Variants in ASXL2 observed in about 807,000 individuals in gnomAD.
ASXL2 encodes the protein putative Polycomb group protein ASXL2.
A neutral mutation model predicts 122.0 loss-of-function variants in ASXL2; 23 were observed. The observed-to-expected ratio is 0.19, with a 90% CI of 0.14 to 0.27. ASXL2 has a LOEUF of 0.27. Among genes scored for constraint, ASXL2 ranks in the 10% least tolerant of loss-of-function variants. The pLI, the probability that ASXL2 is intolerant of heterozygous loss-of-function variation, is 1.00. For missense variants in ASXL2, 1,518 were observed against 1,713.8 expected (o/e 0.89, Z 2.02); for synonymous variants, 650 against 637.0 (o/e 1.02, Z -0.31).
At chr2:25,829,347 G>A (rs2089421807) in intron 3 of ASXL2, among the ~76,000 whole-genome samples, 1 of 152,048 alleles carries the variant, frequency 6.6e-6, no homozygotes, top group South Asian at 2.1e-4. Context: ...AGGAGTATTA[G>A]TGAGGAAAAC....
chr2:25,865,952 G>A (rs2149202108), intron 1 of ASXL2, among the ~76,000 whole-genome samples: 1 of 151,988 alleles, frequency 6.6e-6, no homozygotes, highest in Admixed American at 6.6e-5. Flanking sequence ...TTCAAACTAT[G>A]GTGAAACCTT....
intron 5 of ASXL2, among the ~76,000 whole-genome samples, chr2:25,792,436 A>G: frequency 1.1e-5 from 1 of 88,830 alleles, no homozygotes; most frequent in South Asian, 3.6e-4. Flanking sequence ...TTAACAACAC[A>G]TTTTTTTGTC....
At position 25,742,395 on chromosome 2, in the gene ASXL2, C is replaced by T. The variant is rs558833597; in HGVS notation, c.3942G>A (p.Pro1314=). ...QPLLLPPLQT[P]KLYGSPTQIG... is the part of the protein sequence containing the mutation. ...TCTGGGTGGGGCTTCCATACAACTT[C>T]GGGGTTTGCAGGGGTGGAAGGAGTA... Residue 1314 remains proline, a synonymous_variant, in exon 13 of 13, where the codon CCG becomes CCA. Coordinates refer to ENST00000435504, the MANE Select transcript of ASXL2 (RefSeq NM_018263.6). The T allele has an allele frequency of 2.6e-5, 25 of 978,520 alleles. No homozygotes were observed. The highest frequency in any genetic ancestry group is 2.4e-4 in the East Asian group (4 of 16,966). 60.6% of individuals were successfully genotyped at this position (978,520 alleles called of 1,614,324 possible). A position where few individuals can be genotyped will look rare whatever the true frequency, so the allele number is the denominator to read the frequency against.
At chr2:25,799,839 T>TA (rs2088968607) in intron 4 of ASXL2, among the ~76,000 whole-genome samples, 1 of 152,108 alleles carries the variant, frequency 6.6e-6, no homozygotes, top group South Asian at 2.1e-4. Flanking sequence ...TCTTACATTT[T>TA]AAAAACTACA....
chr2:25,867,685 C>T (rs1231118065), intron 1 of ASXL2, among the ~76,000 whole-genome samples: 1 of 152,212 alleles, frequency 6.6e-6, no homozygotes. Context: ...AGCCCAGCTT[C>T]TATAACCCTC....
intron 2 of ASXL2, among the ~76,000 whole-genome samples, chr2:25,839,612 ATCTTT>A (rs1203579257): frequency 2.7e-3 from 265 of 99,242 alleles, no homozygotes; most frequent in African/African-American, 9.4e-3. Context: ...GGGAAATTCT[ATCTTT>A]TTTTTTTTTT....
At chr2:25,847,674 A>C (rs377616819) in intron 1 of ASXL2, among the ~76,000 whole-genome samples, 12 of 152,250 alleles carry the variant, frequency 7.9e-5, no homozygotes, top group African/African-American at 2.9e-4. Flanking sequence ...ATAAACAAAA[A>C]TACACCATGG....
chr2:25,796,618 A>T (rs1468888764), intron 5 of ASXL2, among the ~76,000 whole-genome samples: 1 of 152,222 alleles, frequency 6.6e-6, no homozygotes, highest in East Asian at 1.9e-4. Context: ...CACCAAACGG[A>T]ATAAGAGCAA....
At chr2:25,810,471 C>A in intron 3 of ASXL2, 1 of 732,600 alleles carries the variant, frequency 1.4e-6, no homozygotes, top group East Asian at 2.6e-5. Context: ...CACAGTCCAG[C>A]TCCTCTTCAA....
rs1316521604 is a variant in ASXL2, at chr2:25,878,416, T to C, written c.-194A>G. The stretch of plus-strand genomic sequence containing the variant: ...GGGTCTATGGGGCGGCCGGTCCTCT[T>C]GCTGCCGTTGCCACTGCTACCGCCG... On this transcript the variant is annotated 5_prime_UTR_variant, in exon 1 of 13. Transcript: ENST00000435504. 3.3e-6 allele frequency: 2 copies of C among 601,660 alleles called. No homozygotes were observed. Among genetic ancestry groups the C allele is most frequent in the African/African-American group, 3.7e-5 (2 of 53,634 alleles). The allele number at this position is 601,660 out of a possible 1,614,324, so 37.3% of individuals were successfully genotyped here. A position where few individuals can be genotyped will look rare whatever the true frequency, so the allele number is the denominator to read the frequency against.
chr2:25,870,257 G>A (rs2089953174), intron 1 of ASXL2, among the ~76,000 whole-genome samples: 1 of 152,118 alleles, frequency 6.6e-6, no homozygotes, highest in South Asian at 2.1e-4. Context: ...CGGCGCAGTG[G>A]CTCACACCTG....
At chr2:25,812,266 C>T (rs910432852) in intron 3 of ASXL2, among the ~76,000 whole-genome samples, 1 of 151,642 alleles carries the variant, frequency 6.6e-6, no homozygotes, top group African/African-American at 2.4e-5. Context: ...AAAGACCAGC[C>T]TGGCCAACAT....
intron 12 of ASXL2, among the ~76,000 whole-genome samples, chr2:25,746,248 C>T (rs189532835): frequency 4.6e-5 from 7 of 152,210 alleles, no homozygotes; most frequent in Admixed American, 3.9e-4. Flanking sequence ...CTCAAAAGGT[C>T]AGTAGTCCTC....
chr2:25,878,031 A>G lies in ASXL2; in HGVS notation c.57+135T>C, dbSNP rs1007355930. ...CCACAGGGATCGCAACCCCGACACTAACCGCCGCCCTCTCCGCGCGGTTTT... is the reference window on the plus strand; with the variant it reads ...CCACAGGGATCGCAACCCCGACACTGACCGCCGCCCTCTCCGCGCGGTTTT... On this transcript the variant is annotated intron_variant, in intron 1 of 12. Coordinates refer to ENST00000435504, the MANE Select transcript of ASXL2 (RefSeq NM_018263.6). 3.6e-6 allele frequency: 4 copies of G among 1,117,610 alleles called. No individual in the cohort carries two copies. The South Asian group carries it at 5.0e-5, about 14-fold the overall frequency. 69.2% of individuals were successfully genotyped at this position (1,117,610 alleles called of 1,614,324 possible). A position where few individuals can be genotyped will look rare whatever the true frequency, so the allele number is the denominator to read the frequency against.
intron 8 of ASXL2, among the ~76,000 whole-genome samples, chr2:25,765,806 T>C (rs1430740728): frequency 6.6e-6 from 1 of 152,208 alleles, no homozygotes; most frequent in Admixed American, 6.5e-5. Flanking sequence ...GCTCTGTTCA[T>C]CATCATAGCC....
At chr2:25,750,929 G>A (rs1428646715) in intron 11 of ASXL2, among the ~76,000 whole-genome samples, 1 of 152,150 alleles carries the variant, frequency 6.6e-6, no homozygotes, top group South Asian at 2.1e-4. Flanking sequence ...AATCTAAGAG[G>A]ACCTGAGGAG....
At chr2:25,778,599 A>T (rs1012816268) in intron 5 of ASXL2, among the ~76,000 whole-genome samples, 2 of 152,220 alleles carry the variant, frequency 1.3e-5, no homozygotes, top group Non-Finnish European at 2.9e-5. Context: ...TATTTAAATA[A>T]AATGCAATTA....
In ASXL2 at chr2:25,755,490, G is replaced by A. The variant is rs538020240; in HGVS notation, c.1036+528C>T. ...CCATACTTACTACAATGTTCTGACT[G>A]CCAATTAACTGTCCATTTCAAATGG... On this transcript the variant is annotated intron_variant, in intron 10 of 12. Transcript: ENST00000435504. Among the ~76,000 whole-genome samples the A allele has an allele frequency of 2.0e-5, 3 of 152,250 alleles. No homozygotes were observed. The South Asian group carries it at 6.2e-4, about 32-fold the overall frequency.
chr2:25,875,681 T>A (rs1421813558), intron 1 of ASXL2, among the ~76,000 whole-genome samples: 8 of 152,082 alleles, frequency 5.3e-5, no homozygotes, highest in Non-Finnish European at 1.2e-4. Flanking sequence ...TTAATAGTAC[T>A]CTCTAAAACA....
Sources: gnomAD v4.1 joint callset for allele counts (sites outside exome capture counted in the v4.1 genomes callset) on GRCh38, gnomAD v4.1.1 for gene constraint, MANE v1.5 for transcripts, NCBI Gene and HGNC (gene_info 2026-07-23, HGNC 2026-07-21) for gene names.